Variants in MEIS2 observed in about 807,000 individuals in gnomAD.
MEIS2 encodes Meis homeobox 2.
In MEIS2, 9 loss-of-function variants were observed where a neutral mutation model predicts 58.6. The ratio of observed to expected loss-of-function variants is 0.15; its 90% confidence interval spans 0.09 to 0.27. The LOEUF (loss-of-function observed/expected upper bound fraction) is 0.27, where lower values mean the gene tolerates loss of function less well. MEIS2 is among the 10% of genes least tolerant of loss of function. The pLI is 1.00. For synonymous variants in MEIS2, 221 were observed against 228.4 expected (o/e 0.97, Z 0.29); for missense variants, 427 against 635.0 (o/e 0.67, Z 3.52).
chr15:37,007,891 T>C (rs2060979894), intron 8 of MEIS2, among the ~76,000 whole-genome samples: 1 of 152,234 alleles, frequency 6.6e-6, no homozygotes, highest in African/African-American at 2.4e-5. Context: ...GCAAGAGGTC[T>C]GCAGACCTCT....
rs533748924 is a variant in MEIS2, at chr15:37,037,700, G to A, written c.755-741C>T. On this transcript the variant is annotated intron_variant, in intron 7 of 11. Coordinates refer to ENST00000561208, the MANE Select transcript of MEIS2 (RefSeq NM_170675.5). ...TTTTTTCTTGCCCTCTGGCAAAAATGCCTTGAAAGCCTGCCTGGAGGGCAT... is the reference window on the plus strand; with the variant it reads ...TTTTTTCTTGCCCTCTGGCAAAAATACCTTGAAAGCCTGCCTGGAGGGCAT... Among the ~76,000 whole-genome samples the A allele has an allele frequency of 2.6e-5, 4 of 152,308 alleles. No homozygotes were observed. The East Asian group carries it at 7.7e-4, about 29-fold the overall frequency.
At chr15:37,061,371 T>C (rs1438382008) in intron 7 of MEIS2, among the ~76,000 whole-genome samples, 6 of 152,172 alleles carry the variant, frequency 3.9e-5, no homozygotes, top group Non-Finnish European at 4.4e-5. Context: ...AGGGCAGAGA[T>C]AGCTAATTAA....
At chr15:36,986,393 T>C (rs1310039913) in intron 8 of MEIS2, among the ~76,000 whole-genome samples, 1 of 152,208 alleles carries the variant, frequency 6.6e-6, no homozygotes, top group Non-Finnish European at 1.5e-5. Context: ...TAGGGAGCAC[T>C]AGAGGAAGAC....
At chr15:37,003,440 T>C (rs1404593160) in intron 8 of MEIS2, among the ~76,000 whole-genome samples, 2 of 152,072 alleles carry the variant, frequency 1.3e-5, no homozygotes, top group Non-Finnish European at 2.9e-5. Context: ...TTTTTAAATT[T>C]AGAAGAGAGG....
In MEIS2 at chr15:37,100,215, C is replaced by T. The variant is rs1362666369; in HGVS notation, c.-749G>A. ...GTTTGCAAAAATTGGACTTCCTCCC[C>T]CCCTTTCCTGGTAGGTATTTTGTCT... On this transcript the variant is annotated 5_prime_UTR_variant, in exon 1 of 12. Transcript: ENST00000561208. The T allele has an allele frequency of 1.3e-5, 2 of 152,536 alleles. No individual in the cohort carries two copies. The highest frequency in any genetic ancestry group is 6.5e-5 in the Admixed American group (1 of 15,274). 9.4% of individuals were successfully genotyped at this position (152,536 alleles called of 1,614,324 possible).
At chr15:36,947,836 A>C (rs985852621) in intron 9 of MEIS2, among the ~76,000 whole-genome samples, 2 of 152,004 alleles carry the variant, frequency 1.3e-5, no homozygotes, top group African/African-American at 4.8e-5. Flanking sequence ...TTTGTAGTTA[A>C]GAACAGTGAC....
rs1567126001 is a variant in MEIS2 at position 36,971,536 on chromosome 15, T to TAAAAAAAAAAAAA, written c.901-21137_901-21136insTTTTTTTTTTTTT. Among the ~76,000 whole-genome samples, 490 of 65,404 alleles carry TAAAAAAAAAAAAA rather than the reference T, an allele frequency of 7.5e-3. 28 individuals carry two copies. The highest frequency in any genetic ancestry group is 8.7e-3 in the Non-Finnish European group (345 of 39,670). 42.9% of individuals were successfully genotyped at this position (65,404 alleles called of 152,430 possible). On this transcript the variant is annotated intron_variant, in intron 8 of 11. Coordinates refer to ENST00000561208, the MANE Select transcript of MEIS2 (RefSeq NM_170675.5). Reference sequence around the variant, plus strand: ...TGTATTACTTGTATGCCTTGTTACATTAAAAAAAAAAAAAAAAAAAAAAAA... The same window carrying TAAAAAAAAAAAAA: ...TGTATTACTTGTATGCCTTGTTACATAAAAAAAAAAAAATAAAAAAAAAAAAAAAAAAAAAAAA...
chr15:37,009,829 A>G (rs1370883996), intron 8 of MEIS2, among the ~76,000 whole-genome samples: 6 of 152,228 alleles, frequency 3.9e-5, no homozygotes, highest in African/African-American at 1.2e-4. Flanking sequence ...ATGAATGTTG[A>G]CAATTCTAAC....
chr15:36,916,660 T>C (rs1874706807), intron 9 of MEIS2, among the ~76,000 whole-genome samples: 2 of 152,112 alleles, frequency 1.3e-5, no homozygotes, highest in South Asian at 4.1e-4. Flanking sequence ...CTCAAACTCC[T>C]GGCCTCAAGC....
At chr15:36,910,135 G>A (rs2056936678) in intron 9 of MEIS2, among the ~76,000 whole-genome samples, 1 of 152,114 alleles carries the variant, frequency 6.6e-6, no homozygotes, top group Non-Finnish European at 1.5e-5. Flanking sequence ...GAGACCAGGA[G>A]GTGGAGGCTG....
chr15:37,037,667 CAT>C lies in MEIS2; in HGVS notation c.755-710_755-709del, dbSNP rs762090574. On this transcript the variant is annotated intron_variant, in intron 7 of 11. Transcript: ENST00000561208. Reference sequence around the variant, plus strand: ...GCAAAAATCATTTACTTTTAACAGTCATAGTTATTTTTTCTTGCCCTCTGGCA... The same window carrying C: ...GCAAAAATCATTTACTTTTAACAGTCAGTTATTTTTTCTTGCCCTCTGGCA... 8.5e-4 allele frequency among the ~76,000 whole-genome samples: 130 copies of C among 152,228 alleles called. 3 individuals are homozygous for C. Among genetic ancestry groups the C allele is most frequent in the Non-Finnish European group, 2.4e-4 (16 of 68,038 alleles).
At chr15:36,915,325 A>G (rs1339121781) in intron 9 of MEIS2, among the ~76,000 whole-genome samples, 1 of 152,136 alleles carries the variant, frequency 6.6e-6, no homozygotes, top group Non-Finnish European at 1.5e-5. Context: ...TCAGTCTCCA[A>G]GGTATTCTAC....
Position 37,078,605 on chromosome 15 carries a change from C to CA in MEIS2, c.754+5165dup, listed in dbSNP as rs540405090. Among the ~76,000 whole-genome samples the CA allele has an allele frequency of 4.5e-3, 314 of 69,380 alleles. 7 individuals carry two copies. Among genetic ancestry groups the CA allele is most frequent in the African/African-American group, 0.017 (291 of 16,860 alleles). 45.5% of individuals were successfully genotyped at this position (69,380 alleles called of 152,430 possible). A position where few individuals can be genotyped will look rare whatever the true frequency, so the allele number is the denominator to read the frequency against. On this transcript the variant is annotated intron_variant, in intron 7 of 11. Coordinates refer to ENST00000561208, the MANE Select transcript of MEIS2 (RefSeq NM_170675.5). ...AAAAGGATTGCCAGGAAAAAACAAC[C>CA]AAAAAAAAAAAAAAAAAAAAAAAAA...
At chr15:36,904,749 C>A (rs1279544622) in intron 9 of MEIS2, among the ~76,000 whole-genome samples, 14 of 151,822 alleles carry the variant, frequency 9.2e-5, no homozygotes, top group Admixed American at 9.2e-4. Flanking sequence ...TTAGCAAATG[C>A]ATTATCAAAG....
At chr15:36,895,083 G>T in intron 11 of MEIS2, 68 bp downstream of exon 11, 1 of 1,297,888 alleles carries the variant, frequency 7.7e-7, no homozygotes, top group Non-Finnish European at 1.1e-6. Context: ...ATAGTAGAGT[G>T]GATGGAGAGG....
intron 6 of MEIS2, among the ~76,000 whole-genome samples, chr15:37,084,960 C>CA (rs1892702273): frequency 6.6e-6 from 1 of 152,086 alleles, no homozygotes; most frequent in Non-Finnish European, 1.5e-5. Context: ...GACCTACTGG[C>CA]AAGTGAATGA....
At chr15:37,097,536 C>A (rs1465175575) in intron 2 of MEIS2, among the ~76,000 whole-genome samples, 1 of 152,110 alleles carries the variant, frequency 6.6e-6, no homozygotes, top group Non-Finnish European at 1.5e-5. Flanking sequence ...GACTCCCAGA[C>A]CCTCAGTAGG....
chr15:37,018,273 A>T (rs1350950622), intron 8 of MEIS2, among the ~76,000 whole-genome samples: 1 of 152,214 alleles, frequency 6.6e-6, no homozygotes, highest in East Asian at 1.9e-4. Flanking sequence ...GAGAGCAATA[A>T]GAAACAATTA....
At chr15:37,081,586 A>T (rs1892212245) in intron 7 of MEIS2, among the ~76,000 whole-genome samples, 1 of 152,234 alleles carries the variant, frequency 6.6e-6, no homozygotes, top group Non-Finnish European at 1.5e-5. Context: ...GTAAAAAGCC[A>T]GAATGCTCTT....
Sources: allele counts gnomAD v4.1 joint callset (sites outside exome capture counted in the v4.1 genomes callset), GRCh38; gene constraint gnomAD v4.1.1; transcripts MANE v1.5; gene names NCBI Gene and HGNC (gene_info 2026-07-23, HGNC 2026-07-21).